SMAD2: variants seen among roughly 807,000 people sequenced by gnomAD.
SMAD2 encodes the protein MAD homolog 2.
In SMAD2, 8 loss-of-function variants were observed where a neutral mutation model predicts 64.4. The ratio of observed to expected loss-of-function variants is 0.12; its 90% CI spans 0.07 to 0.22. The LOEUF (loss-of-function observed/expected upper bound fraction) is 0.22. Ranked by LOEUF, SMAD2 falls within the 10% of genes least tolerant of loss-of-function variation. The pLI is 1.00. For synonymous variants in SMAD2, 203 were observed against 195.8 expected (o/e 1.04, Z -0.31); for missense variants, 289 against 561.2 (o/e 0.51, Z 4.90).
chr18:47,854,023 A>G (rs1455937850), intron 6 of SMAD2, among the ~76,000 whole-genome samples: 1 of 152,146 alleles, frequency 6.6e-6, no homozygotes, highest in African/African-American at 2.4e-5. Flanking sequence ...ACAGGTTAGA[A>G]TTACAGATTA....
chr18:47,841,998 G>T, intron 10 of SMAD2, 48 bp from the exon 11 acceptor site: 3 of 1,609,242 alleles, frequency 1.9e-6, no homozygotes, highest in Non-Finnish European at 2.6e-6. Flanking sequence ...AAGTCCACAG[G>T]CAGGGAAAAT....
chr18:47,856,312 T>C (rs969786646), intron 6 of SMAD2, among the ~76,000 whole-genome samples: 6 of 152,196 alleles, frequency 3.9e-5, no homozygotes, highest in African/African-American at 1.4e-4. Flanking sequence ...TGTTGTATAC[T>C]GGAAATTTAG....
At chr18:47,882,527 T>TA (rs2032668152) in intron 2 of SMAD2, 1 of 152,248 alleles carries the variant, frequency 6.6e-6, no homozygotes, top group Non-Finnish European at 1.5e-5. Context: ...AGTTATAAAC[T>TA]AACCTTGTTG....
At position 47,925,675 on chromosome 18, in the gene SMAD2, C is replaced by T. The variant is rs573737280; in HGVS notation, c.-54+4686G>A. 4.6e-5 allele frequency among the ~76,000 whole-genome samples: 7 copies of T among 152,240 alleles called. No homozygotes were observed. The South Asian group carries it at 1.5e-3, about 32-fold the overall frequency. On this transcript the variant is annotated intron_variant, in intron 1 of 10. Coordinates refer to ENST00000262160, the MANE Select transcript of SMAD2 (RefSeq NM_005901.6). ...TCAATGACAAGCAATAAGCCTCTAA[C>T]TATGCATTTTTAAACCAAAAAGGCT...
chr18:47,925,348 T>G (rs2034721219), intron 1 of SMAD2, among the ~76,000 whole-genome samples: 1 of 152,188 alleles, frequency 6.6e-6, no homozygotes, highest in African/African-American at 2.4e-5. Flanking sequence ...CAAGCACCTG[T>G]CCTATCAATG....
chr18:47,929,681 T>A (rs1475742959), intron 1 of SMAD2, among the ~76,000 whole-genome samples: 26 of 152,196 alleles, frequency 1.7e-4, no homozygotes, highest in Admixed American at 1.7e-3. Flanking sequence ...CCAGGCATTC[T>A]TTTTCTGTTT....
chr18:47,892,934 C>T (rs1456904215), intron 2 of SMAD2, among the ~76,000 whole-genome samples: 1 of 152,136 alleles, frequency 6.6e-6, no homozygotes, highest in Non-Finnish European at 1.5e-5. Context: ...ACCCCATAGT[C>T]CTTACTTTTA....
chr18:47,829,172 G>A lies in SMAD2; in HGVS notation c.*12655C>T, dbSNP rs960576835. 3 of 152,190 alleles carry A rather than the reference G, an allele frequency of 2.0e-5. No individual in the cohort carries two copies. The highest frequency in any genetic ancestry group is 6.5e-5 in the Admixed American group (1 of 15,292). The allele number at this position is 152,190 out of a possible 1,614,324, so 9.4% of individuals were successfully genotyped here. Reference sequence around the variant, plus strand: ...ACGTGGCAATGCACCTGATGGAGACGTTTAATTTCTTCACTACAAGGAATT... The same window carrying A: ...ACGTGGCAATGCACCTGATGGAGACATTTAATTTCTTCACTACAAGGAATT... On this transcript the variant is annotated 3_prime_UTR_variant, in exon 11 of 11. Transcript: ENST00000262160.
chr18:47,908,524 C>T (rs541760629), intron 1 of SMAD2, among the ~76,000 whole-genome samples: 1 of 152,024 alleles, frequency 6.6e-6, no homozygotes, highest in Non-Finnish European at 1.5e-5. Context: ...GTAGATACTA[C>T]TCTATCATTT....
intron 2 of SMAD2, among the ~76,000 whole-genome samples, chr18:47,877,196 C>T (rs2032315546): frequency 6.7e-6 from 1 of 149,058 alleles, no homozygotes; most frequent in South Asian, 2.1e-4. Flanking sequence ...AAAGGGATAA[C>T]AACCTAAGTT....
intron 1 of SMAD2, among the ~76,000 whole-genome samples, chr18:47,901,942 T>A (rs2033702594): frequency 6.6e-6 from 1 of 152,182 alleles, no homozygotes; most frequent in Non-Finnish European, 1.5e-5. Context: ...TATTCACCAC[T>A]TCCTCAAACG....
chr18:47,895,656 T>G (rs1353848427), intron 2 of SMAD2: 2 of 152,230 alleles, frequency 1.3e-5, no homozygotes, highest in Non-Finnish European at 2.9e-5. Flanking sequence ...ATGGATGGTC[T>G]ACCAAACAAG....
chr18:47,837,760 A>G lies in SMAD2; in HGVS notation c.*4067T>C, dbSNP rs970806872. ...TCAATGCCTTCGATCAGAGTAAGAA[A>G]AAAGTATTCATTGTTCATGTCCACA... On this transcript the variant is annotated 3_prime_UTR_variant, in exon 11 of 11. Coordinates refer to ENST00000262160, the MANE Select transcript of SMAD2 (RefSeq NM_005901.6). 4.3e-6 allele frequency: 1 copy of G among 232,868 alleles called. No homozygotes were observed. The highest frequency in any genetic ancestry group is 2.2e-5 in the African/African-American group (1 of 45,312). The allele number at this position is 232,868 out of a possible 1,614,324, so 14.4% of individuals were successfully genotyped here. A position where few individuals can be genotyped will look rare whatever the true frequency, so the allele number is the denominator to read the frequency against.
At chr18:47,908,494 T>C (rs1429996854) in intron 1 of SMAD2, among the ~76,000 whole-genome samples, 1 of 152,094 alleles carries the variant, frequency 6.6e-6, no homozygotes, top group Non-Finnish European at 1.5e-5. Context: ...AAAAGGTATG[T>C]TATAAAGCAT....
chr18:47,856,388 T>C (rs2030685436), intron 6 of SMAD2, among the ~76,000 whole-genome samples: 1 of 152,180 alleles, frequency 6.6e-6, no homozygotes, highest in African/African-American at 2.4e-5. Flanking sequence ...ATGGATTTAG[T>C]TGACTACAGC....
chr18:47,859,743 T>C (rs907190644), intron 6 of SMAD2, among the ~76,000 whole-genome samples: 15 of 152,070 alleles, frequency 9.9e-5, no homozygotes, highest in African/African-American at 2.9e-4. Flanking sequence ...AAATGAAAAG[T>C]AAGCAGACAA....
At position 47,826,362 on chromosome 18, in the gene SMAD2, C is replaced by G. The variant is rs990694258; in HGVS notation, c.*15465G>C. On this transcript the variant is annotated 3_prime_UTR_variant, in exon 11 of 11. Transcript: ENST00000262160. Reference sequence around the variant, plus strand: ...ATTCTTCACCCCTCCTATGTTCTCTCCCTTGGTCTAATAACTCTGTAGTGC... The same window carrying G: ...ATTCTTCACCCCTCCTATGTTCTCTGCCTTGGTCTAATAACTCTGTAGTGC... The G allele has an allele frequency of 6.6e-6, 1 of 152,252 alleles. No individual in the cohort carries two copies. Among genetic ancestry groups the G allele is most frequent in the Non-Finnish European group, 1.5e-5 (1 of 68,074 alleles). The allele number at this position is 152,252 out of a possible 1,614,324, so 9.4% of individuals were successfully genotyped here. A position where few individuals can be genotyped will look rare whatever the true frequency, so the allele number is the denominator to read the frequency against.
rs5824708 is a variant in SMAD2, at chr18:47,830,576, C to CAA, written c.*11249_*11250dup. The CAA allele has an allele frequency of 0.03, 3,815 of 125,224 alleles. 98 individuals are homozygous for CAA. The highest frequency in any genetic ancestry group is 0.035 in the Non-Finnish European group (2,201 of 62,332). 7.8% of individuals were successfully genotyped at this position (125,224 alleles called of 1,614,324 possible). A position where few individuals can be genotyped will look rare whatever the true frequency, so the allele number is the denominator to read the frequency against. On this transcript the variant is annotated 3_prime_UTR_variant, in exon 11 of 11. Coordinates refer to ENST00000262160, the MANE Select transcript of SMAD2 (RefSeq NM_005901.6). ...GGGCAACAGAGCAAGACTCTGTCTC[C>CAA]AAAAAAAAAAAAAAAAAATTCGTTT...
chr18:47,885,132 T>TACACACACACACACACAC (rs57342899), intron 2 of SMAD2, among the ~76,000 whole-genome samples: 1 of 142,080 alleles, frequency 7.0e-6, no homozygotes, highest in African/African-American at 2.6e-5. Context: ...TTTAGTCATA[T>TACACACACACACACACAC]ACACACACAC....
Sources: gnomAD v4.1 joint callset for allele counts (sites outside exome capture counted in the v4.1 genomes callset) on GRCh38, gnomAD v4.1.1 for gene constraint, MANE v1.5 for transcripts, NCBI Gene and HGNC (gene_info 2026-07-23, HGNC 2026-07-21) for gene names.